Variants in RAD50 observed in about 807,000 individuals in gnomAD.
RAD50 encodes the protein RAD50 double strand break repair protein.
In RAD50, 132 loss-of-function variants were observed where a neutral mutation model predicts 168.8. The ratio of observed to expected loss-of-function variants is 0.78; its 90% CI spans 0.68 to 0.90. The LOEUF is 0.90. RAD50 is among the 40% of genes least tolerant of loss of function. The pLI, the probability that RAD50 is intolerant of heterozygous loss-of-function variation, is 0.00. For missense variants in RAD50, 1,347 were observed against 1,534.4 expected (o/e 0.88, Z 2.04); for synonymous variants, 525 against 497.4 (o/e 1.06, Z -0.74).
chr5:132,589,667 C>G lies in RAD50; in HGVS notation c.1282C>G (p.Gln428Glu), dbSNP rs1197399369. 6.2e-7 allele frequency: 1 copy of G among 1,603,804 alleles called. No individual in the cohort carries two copies. Among genetic ancestry groups the G allele is most frequent in the Non-Finnish European group, 8.5e-7 (1 of 1,175,570 alleles). ...FAEKETLKQK[Q>E]IDEIRDKKTG... ...AGAAAAAGAGACTCTGAAACAAAAA[C>G]AGATAGATGAGATAAGAGATAAGAA... The change falls in exon 9 of 25, where the codon CAG (glutamine) becomes GAG (glutamate). Residue 428 changes from glutamine (Q) to glutamate (E), a missense_variant. By Grantham distance (29) the Gln-to-Glu change is conservative. Around this residue, in one of 3 missense-constraint regions of RAD50, gnomAD observed 703 missense variants for 767.7 expected, o/e 0.92. Coordinates refer to ENST00000378823, the MANE Select transcript of RAD50 (RefSeq NM_005732.4).
At chr5:132,614,162 A>G (rs566698078) in intron 19 of RAD50, among the ~76,000 whole-genome samples, 3 of 152,356 alleles carry the variant, frequency 2.0e-5, no homozygotes, top group South Asian at 2.1e-4. Flanking sequence ...CAGACCAGCA[A>G]CAATATTTTG....
At position 132,626,378 on chromosome 5, in the gene RAD50, A is replaced by G. The variant is rs112858052; in HGVS notation, c.3389+8084A>G. On this transcript the variant is annotated intron_variant, in intron 21 of 24. Transcript: ENST00000378823. ...TAGTTTTTTTAGGAACCTCCATACT[A>G]TTCTCCATAGTGGTGATTTTGAGTC... Among the ~76,000 whole-genome samples, 1,143 of 152,286 alleles carry G rather than the reference A, an allele frequency of 7.5e-3. 16 individuals carry two copies. The highest frequency in any genetic ancestry group is 0.025 in the African/African-American group (1,043 of 41,556).
intron 3 of RAD50, among the ~76,000 whole-genome samples, chr5:132,578,521 TTTC>T (rs1750440493): frequency 5.5e-5 from 8 of 144,928 alleles, no homozygotes; most frequent in Admixed American, 4.7e-4. Context: ...ATTTTTTTTC[TTTC>T]TTTTTTTTTT....
In RAD50 at chr5:132,579,964, A is replaced by G. The variant is rs1580987688; in HGVS notation, c.654A>G (p.Glu218=). The G allele has an allele frequency of 6.2e-7, 1 of 1,612,514 alleles. No individual in the cohort carries two copies. The highest frequency in any genetic ancestry group is 8.5e-7 in the Non-Finnish European group (1 of 1,178,594). The change falls in exon 5 of 25, where the codon GAA becomes GAG. Residue 218 remains glutamate, a synonymous_variant. Transcript: ENST00000378823. ...MELKYLKQYK[E]KACEIRDQIT... ...TAAAATATCTGAAGCAATATAAGGA[A>G]AAAGCTTGTGAGATTCGTGATCAGA...
At chr5:132,585,936 A>G (rs1291985905) in intron 5 of RAD50, among the ~76,000 whole-genome samples, 4 of 152,140 alleles carry the variant, frequency 2.6e-5, no homozygotes, top group African/African-American at 7.2e-5. Context: ...TTTATCAGAT[A>G]TTGGTTTTGC....
chr5:132,637,172 C>A lies in RAD50; in HGVS notation c.3447C>A (p.Asp1149Glu). 1 of 1,612,196 alleles carries A rather than the reference C, an allele frequency of 6.2e-7. No individual in the cohort carries two copies. The highest frequency in any genetic ancestry group is 8.5e-7 in the Non-Finnish European group (1 of 1,178,940). Residue 1149 changes from aspartate to glutamate, a missense_variant, in exon 22 of 25, where the codon GAC (aspartate) becomes GAA (glutamate). Physicochemically the swap from Asp to Glu is conservative, Grantham distance 45. This residue lies in a region of RAD50 where 635 missense variants were observed against 739.2 expected (regional missense o/e 0.86). Transcript: ENST00000378823. The part of the protein sequence containing the change: ...KMEEINKIIR[D>E]LWRSTYRGQD... The stretch of plus-strand genomic sequence containing the variant: ...AAGAAATCAATAAAATTATACGTGA[C>A]CTGTGGCGAAGTACCTATCGTGGAC...
chr5:132,581,502 G>A (rs1004078263), intron 5 of RAD50, among the ~76,000 whole-genome samples: 12 of 152,160 alleles, frequency 7.9e-5, no homozygotes, highest in Admixed American at 7.2e-4. Context: ...TAGGTGAAAA[G>A]TAAAAGATAG....
intron 19 of RAD50, among the ~76,000 whole-genome samples, chr5:132,609,902 T>C (rs534210548): frequency 2.5e-4 from 38 of 150,190 alleles, no homozygotes; most frequent in Middle Eastern, 3.4e-3. Context: ...GGCATAAAAG[T>C]GTTCCTCCCC....
At chr5:132,617,513 T>C (rs1052519247) in intron 20 of RAD50, among the ~76,000 whole-genome samples, 2 of 152,224 alleles carry the variant, frequency 1.3e-5, no homozygotes, top group African/African-American at 4.8e-5. Context: ...TGCCAAAATA[T>C]CAGAAAAGTT....
rs377466333 is a variant in RAD50, at chr5:132,609,178, A to T, written c.2891A>T (p.Tyr964Phe). 1.7e-5 allele frequency: 27 copies of T among 1,611,850 alleles called. No homozygotes were observed. Among genetic ancestry groups the T allele is most frequent in the Non-Finnish European group, 2.3e-5 (27 of 1,178,978 alleles). Residue 964 changes from tyrosine (Y) to phenylalanine (F), a missense_variant, in exon 18 of 25, where the codon TAT (tyrosine) becomes TTT (phenylalanine). This residue lies in a region of RAD50 where 635 missense variants were observed against 739.2 expected (regional missense o/e 0.86). Coordinates refer to ENST00000378823, the MANE Select transcript of RAD50 (RefSeq NM_005732.4). ...IHGYMKDIEN[Y>F]IQDGKDDYKK... is the part of the protein sequence containing the mutation. The stretch of plus-strand genomic sequence containing the variant: ...GGCTATATGAAAGACATTGAGAATT[A>T]TATTCAAGATGGGAAAGACGACTAT...
chr5:132,606,120 A>C (rs1387360999), intron 16 of RAD50, among the ~76,000 whole-genome samples: 1 of 152,188 alleles, frequency 6.6e-6, no homozygotes, highest in East Asian at 1.9e-4. Flanking sequence ...GACAAGAAAT[A>C]ACTAAGATTA....
At position 132,557,380 on chromosome 5, in the gene RAD50, A is replaced by G. The variant is rs775894807; in HGVS notation, c.56A>G (p.Asp19Gly). 1 of 1,614,090 alleles carries G rather than the reference A, an allele frequency of 6.2e-7. No homozygotes were observed. Among genetic ancestry groups the G allele is most frequent in the Non-Finnish European group, 8.5e-7 (1 of 1,179,882 alleles). ...GGCGTGCGGAGTTTTGGAATAGAGG[A>G]CAAAGATAAGCAAATTATCACTTTC... ...ILGVRSFGIE[D>G]KDKQIITFFS... The change falls in exon 1 of 25, where the codon GAC (aspartate) becomes GGC (glycine). Residue 19 changes from aspartate to glycine, a missense_variant. Around this residue, in one of 3 missense-constraint regions of RAD50, gnomAD observed 703 missense variants for 767.7 expected, o/e 0.92. Coordinates refer to ENST00000378823, the MANE Select transcript of RAD50 (RefSeq NM_005732.4).
At chr5:132,620,489 T>C (rs550479085) in intron 21 of RAD50, among the ~76,000 whole-genome samples, 8 of 152,370 alleles carry the variant, frequency 5.3e-5, no homozygotes, top group African/African-American at 1.9e-4. Flanking sequence ...GAATTTTCTT[T>C]ATCCAGTGTA....
chr5:132,578,269 C>A (rs970158234), intron 3 of RAD50, among the ~76,000 whole-genome samples: 1 of 152,184 alleles, frequency 6.6e-6, no homozygotes, highest in African/African-American at 2.4e-5. Context: ...TACCACTATC[C>A]GTCCAGTGAC....
intron 5 of RAD50, among the ~76,000 whole-genome samples, chr5:132,586,568 T>A (rs1450045666): frequency 6.6e-6 from 1 of 152,232 alleles, no homozygotes; most frequent in Admixed American, 6.5e-5. Flanking sequence ...TATGAACGTT[T>A]ACGTTCATAT....
intron 5 of RAD50, among the ~76,000 whole-genome samples, chr5:132,583,104 C>T (rs1434134219): frequency 2.6e-5 from 4 of 152,154 alleles, no homozygotes; most frequent in Admixed American, 2.6e-4. Context: ...AAGTATCCAT[C>T]CAGTTATATT....
At chr5:132,595,376 A>G (rs559621242) in intron 12 of RAD50, 197 bp from the exon 13 acceptor site, 5 of 500,510 alleles carry the variant, frequency 1.0e-5, no homozygotes, top group Middle Eastern at 5.2e-4. Flanking sequence ...ACCAAAAAAT[A>G]TTTATACAAA....
Position 132,643,078 on chromosome 5 carries a change from C to G in RAD50, c.*714C>G. 1 of 529,822 alleles carries G rather than the reference C, an allele frequency of 1.9e-6. No individual in the cohort carries two copies. The allele number at this position is 529,822 out of a possible 1,614,324, so 32.8% of individuals were successfully genotyped here. A position where few individuals can be genotyped will look rare whatever the true frequency, so the allele number is the denominator to read the frequency against. ...TGTGCACACCCACCTTTGGAAAGCTCTGACCACTTGAGGCCTGATCTGCCC... is the reference window on the plus strand; with the variant it reads ...TGTGCACACCCACCTTTGGAAAGCTGTGACCACTTGAGGCCTGATCTGCCC... On this transcript the variant is annotated 3_prime_UTR_variant, in exon 25 of 25. Coordinates refer to ENST00000378823, the MANE Select transcript of RAD50 (RefSeq NM_005732.4).
chr5:132,640,860 G>A lies in RAD50; in HGVS notation c.3752+55G>A. On this transcript the variant is annotated intron_variant, in intron 24 of 24. Transcript: ENST00000378823. Reference sequence around the variant, plus strand: ...AGTAAGTATCTCACATTTGGGGACAGGTTGTGATAGTTCTTCAAAACCAAG... The same window carrying A: ...AGTAAGTATCTCACATTTGGGGACAAGTTGTGATAGTTCTTCAAAACCAAG... 2.5e-6 allele frequency: 4 copies of A among 1,610,208 alleles called. No homozygotes were observed. The South Asian group carries it at 4.4e-5, about 18-fold the overall frequency.
Sources: allele counts gnomAD v4.1 joint callset (sites outside exome capture counted in the v4.1 genomes callset), GRCh38; gene constraint gnomAD v4.1.1; regional missense constraint gnomAD v4.1.1; transcripts MANE v1.5; gene names NCBI Gene and HGNC (gene_info 2026-07-23, HGNC 2026-07-21).